Variants in BRAF observed in about 807,000 individuals in gnomAD.
BRAF encodes the protein B-Raf proto-oncogene, serine/threonine kinase.
A neutral mutation model predicts 104.6 loss-of-function variants in BRAF; 16 were observed. The ratio of observed to expected loss-of-function variants is 0.15; its 90% CI spans 0.10 to 0.23. The LOEUF (loss-of-function observed/expected upper bound fraction) is 0.23, where lower values mean the gene tolerates loss of function less well. BRAF is among the 10% of genes least tolerant of loss of function. BRAF has a pLI of 1.00. For missense variants in BRAF, 541 were observed against 937.3 expected, an observed-to-expected ratio of 0.58 and a Z score of 5.52; for synonymous variants, 310 against 341.6, an observed-to-expected ratio of 0.91 and a Z score of 1.02.
chr7:140,860,010 C>T (rs576765596), intron 1 of BRAF, among the ~76,000 whole-genome samples: 1 of 152,254 alleles, frequency 6.6e-6, no homozygotes, highest in Non-Finnish European at 1.5e-5. Flanking sequence ...TTTATGGAAG[C>T]ACTGTATAAT....
At chr7:140,781,295 ACT>A (rs1800849001) in intron 12 of BRAF, 2 of 426,180 alleles carry the variant, frequency 4.7e-6, no homozygotes, top group South Asian at 5.0e-5. Context: ...CAGCTGAAAG[ACT>A]CTAAAAGAAA....
At chr7:140,777,304 G>T (rs1277191454) in intron 13 of BRAF, among the ~76,000 whole-genome samples, 4 of 152,016 alleles carry the variant, frequency 2.6e-5, no homozygotes, top group African/African-American at 9.7e-5. Flanking sequence ...TATCTGACAG[G>T]CAACTAGAGG....
At chr7:140,871,742 A>G (rs1207399971) in intron 1 of BRAF, among the ~76,000 whole-genome samples, 1 of 152,204 alleles carries the variant, frequency 6.6e-6, no homozygotes, top group Non-Finnish European at 1.5e-5. Flanking sequence ...TTAGACATGT[A>G]TGGCTATTTA....
intron 17 of BRAF, chr7:140,740,493 G>GT (rs1249714730): frequency 6.6e-6 from 1 of 152,214 alleles, no homozygotes. Context: ...GCTAAAATCT[G>GT]TTTAACGAAA....
At position 140,780,637 on chromosome 7, in the gene BRAF, A is replaced by G. The variant is rs1430732333; in HGVS notation, c.1552+939T>C. The stretch of plus-strand genomic sequence containing the variant: ...CTGCTTTGAAAAATTTCATATACCA[A>G]AGACACCTTTCTACATCAATAAATG... On this transcript the variant is annotated intron_variant, in intron 12 of 19. Coordinates refer to ENST00000644969, the MANE Select transcript of BRAF (RefSeq NM_001374258.1). 2.6e-5 allele frequency: 4 copies of G among 152,288 alleles called. No homozygotes were observed. The East Asian group carries it at 7.7e-4, about 29-fold the overall frequency. 9.4% of individuals were successfully genotyped at this position (152,288 alleles called of 1,614,324 possible).
At chr7:140,820,309 A>C (rs1805340371) in intron 3 of BRAF, among the ~76,000 whole-genome samples, 1 of 152,206 alleles carries the variant, frequency 6.6e-6, no homozygotes, top group Non-Finnish European at 1.5e-5. Context: ...CAAAGTTTTC[A>C]GTGTGTATAT....
intron 3 of BRAF, among the ~76,000 whole-genome samples, chr7:140,819,717 A>G (rs1805273020): frequency 6.6e-6 from 1 of 152,216 alleles, no homozygotes; most frequent in Admixed American, 6.5e-5. Flanking sequence ...TATGCTAAGT[A>G]AAAGAAGTCA....
At chr7:140,755,658 T>C (rs1798142148) in intron 14 of BRAF, among the ~76,000 whole-genome samples, 1 of 152,204 alleles carries the variant, frequency 6.6e-6, no homozygotes, top group African/African-American at 2.4e-5. Context: ...TGTCACTCTT[T>C]CACTGAAAGA....
intron 18 of BRAF, among the ~76,000 whole-genome samples, chr7:140,736,707 G>T (rs890142426): frequency 6.6e-6 from 1 of 151,476 alleles, no homozygotes; most frequent in Non-Finnish European, 1.5e-5. Flanking sequence ...GATTACAGGC[G>T]TGAGCCACCG....
intron 3 of BRAF, among the ~76,000 whole-genome samples, chr7:140,811,024 T>G (rs528532334): frequency 1.3e-5 from 2 of 152,178 alleles, no homozygotes; most frequent in Non-Finnish European, 2.9e-5. Context: ...AAGGCTATAA[T>G]GTCCCTGGCA....
At chr7:140,754,729 G>A (rs1408593390) in intron 14 of BRAF, among the ~76,000 whole-genome samples, 1 of 152,148 alleles carries the variant, frequency 6.6e-6, no homozygotes, top group Non-Finnish European at 1.5e-5. Flanking sequence ...CTCAACTTAT[G>A]TAGTAATTAT....
rs1459198511 is a variant in BRAF at position 140,754,270 on chromosome 7, TAA to T, written c.1815-39_1815-38del. The T allele has an allele frequency of 7.5e-6, 12 of 1,595,180 alleles. No homozygotes were observed. In the Admixed American group the frequency reaches 2.0e-4, roughly 27 times the overall value. Reference sequence around the variant, plus strand: ...AACATCATTTTAACCTGAGTAGGGCTAAAGGACTCTGGCCTCGAAATCTACAG... The same window carrying T: ...AACATCATTTTAACCTGAGTAGGGCTAGGACTCTGGCCTCGAAATCTACAG... On this transcript the variant is annotated intron_variant, in intron 14 of 19. Coordinates refer to ENST00000644969, the MANE Select transcript of BRAF (RefSeq NM_001374258.1).
intron 18 of BRAF, among the ~76,000 whole-genome samples, chr7:140,739,467 T>C (rs1218132033): frequency 2.7e-5 from 4 of 146,112 alleles, no homozygotes; most frequent in Admixed American, 2.1e-4. Context: ...TTTTAAAAAA[T>C]AGTTTTAATT....
In BRAF at chr7:140,723,638, G is replaced by T. The variant is rs1795433144; in HGVS notation, c.*2856C>A. The T allele has an allele frequency of 9.5e-7, 1 of 1,049,906 alleles. No homozygotes were observed. 65.0% of individuals were successfully genotyped at this position (1,049,906 alleles called of 1,614,324 possible). On this transcript the variant is annotated 3_prime_UTR_variant, in exon 20 of 20. Transcript: ENST00000644969. ...CTCTAACGATGAAAAAAGTCCATCA[G>T]GAATACTACACAGTTACAAACAATC...
At chr7:140,861,288 C>T (rs1397449648) in intron 1 of BRAF, among the ~76,000 whole-genome samples, 4 of 152,164 alleles carry the variant, frequency 2.6e-5, no homozygotes, top group African/African-American at 7.2e-5. Context: ...GGGGTGCAAA[C>T]TTGTTCAGTT....
chr7:140,898,495 C>T (rs1001672473), intron 1 of BRAF, among the ~76,000 whole-genome samples: 2 of 152,156 alleles, frequency 1.3e-5, no homozygotes, highest in Non-Finnish European at 2.9e-5. Context: ...CAAAGGCTAA[C>T]ATATGAAAAC....
chr7:140,717,329 G>A (rs1412758650), downstream of BRAF, among the ~76,000 whole-genome samples: 2 of 151,970 alleles, frequency 1.3e-5, no homozygotes, highest in Non-Finnish European at 2.9e-5. Context: ...CGCCCAGGCT[G>A]CAGTGCAGTG....
chr7:140,882,848 A>G, intron 1 of BRAF, among the ~76,000 whole-genome samples: 1 of 152,028 alleles, frequency 6.6e-6, no homozygotes, highest in Non-Finnish European at 1.5e-5. Flanking sequence ...ATAAAAATTA[A>G]CTGGGCATGG....
chr7:140,716,816 T>C (rs533537706), downstream of BRAF, among the ~76,000 whole-genome samples: 52 of 152,316 alleles, frequency 3.4e-4, no homozygotes, highest in Non-Finnish European at 5.1e-4. Flanking sequence ...TATATGCATG[T>C]TATAGGAAGA....
Sources: allele counts gnomAD v4.1 joint callset (sites outside exome capture counted in the v4.1 genomes callset), GRCh38; gene constraint gnomAD v4.1.1; transcripts MANE v1.5; gene names NCBI Gene and HGNC (gene_info 2026-07-23, HGNC 2026-07-21).